FREM3: variants seen among roughly 807,000 people sequenced by gnomAD.
FREM3 encodes FRAS1 related extracellular matrix 3.
Under a neutral mutation model 129.1 loss-of-function variants are expected in FREM3, and 105 were observed. The ratio of observed to expected loss-of-function variants is 0.81; its 90% CI spans 0.69 to 0.96. The LOEUF (loss-of-function observed/expected upper bound fraction) is 0.96. Among genes scored for constraint, FREM3 ranks in the 40% least tolerant of loss-of-function variants. The pLI is 0.00. For missense variants in FREM3, 2,593 were observed against 2,666.3 expected, an observed-to-expected ratio of 0.97 and a Z score of 0.61; for synonymous variants, 1,014 against 1,044.9, an observed-to-expected ratio of 0.97 and a Z score of 0.57.
intron 5 of FREM3, among the ~76,000 whole-genome samples, chr4:143,616,287 A>C (rs1463428169): frequency 6.6e-6 from 1 of 152,178 alleles, no homozygotes; most frequent in African/African-American, 2.4e-5. Context: ...CGCCCAGAAA[A>C]CCTTCAGTAA....
intron 2 of FREM3, among the ~76,000 whole-genome samples, chr4:143,661,963 A>G (rs149603828): frequency 0.051 from 7,784 of 151,726 alleles, 471 homozygotes; most frequent in East Asian, 0.19. Context: ...TATTGCATCT[A>G]TTTGATTCTT....
chr4:143,617,350 G>T (rs868535990), intron 5 of FREM3, among the ~76,000 whole-genome samples: 14 of 152,198 alleles, frequency 9.2e-5, no homozygotes, highest in Middle Eastern at 3.4e-3. Context: ...CAGGGATGCT[G>T]CTTAACATTT....
At chr4:143,669,514 T>C (rs1560865440) in intron 2 of FREM3, among the ~76,000 whole-genome samples, 9 of 152,078 alleles carry the variant, frequency 5.9e-5, no homozygotes. Flanking sequence ...TCTCGAACTC[T>C]TGGCGTCAAG....
intron 2 of FREM3, among the ~76,000 whole-genome samples, chr4:143,684,508 G>A (rs1377505840): frequency 6.6e-6 from 1 of 152,206 alleles, no homozygotes; most frequent in Non-Finnish European, 1.5e-5. Context: ...CTGAACAGCA[G>A]CCTTCAGCCC....
Position 143,699,912 on chromosome 4 carries a change from G to C in FREM3, c.764C>G (p.Thr255Arg). 2.6e-6 allele frequency: 4 copies of C among 1,536,280 alleles called. No individual in the cohort carries two copies. The highest frequency in any genetic ancestry group is 2.0e-5 in the Admixed American group (1 of 50,948). ...GTCACGGTTGGGCGAGGAGGTGGCT[G>C]TGTGCTGATAGCGCACCCCAGCACG... ...FLRAGVRYQH[T>R]ATSSPNRDYV... is the part of the protein sequence containing the mutation. The change falls in exon 1 of 8, where the codon ACA becomes AGA. Residue 255 changes from threonine to arginine, a missense_variant. By Grantham distance (71) the Thr-to-Arg change is moderately conservative. This residue lies in a region of FREM3 where 2,276 missense variants were observed against 2,267.2 expected (regional missense o/e 1.00). Transcript: ENST00000329798. This position sits in a 1 kb window ranked among gnomAD's most constrained non-coding sequence, Gnocchi z 4.2.
At chr4:143,597,935 C>T (rs922420758) in intron 6 of FREM3, among the ~76,000 whole-genome samples, 1 of 152,222 alleles carries the variant, frequency 6.6e-6, no homozygotes, top group Non-Finnish European at 1.5e-5. Flanking sequence ...TCGGCAGATG[C>T]AGCATCTGGT....
intron 6 of FREM3, among the ~76,000 whole-genome samples, chr4:143,595,544 C>T (rs774893407): frequency 4.6e-5 from 7 of 152,140 alleles, no homozygotes; most frequent in African/African-American, 1.4e-4. Flanking sequence ...GCCTCCACAC[C>T]AGTTCCTTCT....
At chr4:143,636,163 GTTTTTT>G (rs536363966) in intron 2 of FREM3, among the ~76,000 whole-genome samples, 5 of 139,592 alleles carry the variant, frequency 3.6e-5, no homozygotes, top group African/African-American at 1.3e-4. Context: ...CATTGTTTTT[GTTTTTT>G]TTTTTAAACT....
intron 6 of FREM3, among the ~76,000 whole-genome samples, chr4:143,590,052 G>A (rs1402191016): frequency 6.6e-6 from 1 of 152,014 alleles, no homozygotes; most frequent in African/African-American, 2.4e-5. Flanking sequence ...TGTTATTGGT[G>A]TATAAGAATG....
At chr4:143,634,808 G>T (rs1472098580) in intron 2 of FREM3, among the ~76,000 whole-genome samples, 2 of 152,034 alleles carry the variant, frequency 1.3e-5, no homozygotes, top group Admixed American at 6.6e-5. Flanking sequence ...ATTGTGAGGG[G>T]GTGTGGGATT....
Position 143,697,369 on chromosome 4 carries a change from C to G in FREM3, c.3307G>C (p.Asp1103His), listed in dbSNP as rs1740594193. The change falls in exon 1 of 8, where the codon GAT becomes CAT. Residue 1103 changes from aspartate to histidine, a missense_variant. By Grantham distance (81) the Asp-to-His change is moderately conservative. Transcript: ENST00000329798. ...LHVEDVDTHQ[D>H]ELLCTVTSQP... ...CTAGTCACTGTGCAGAGGAGTTCATCTTGATGAGTGTCCACATCTTCAACA... is the reference window on the plus strand; with the variant it reads ...CTAGTCACTGTGCAGAGGAGTTCATGTTGATGAGTGTCCACATCTTCAACA... The G allele has an allele frequency of 6.5e-7, 1 of 1,537,136 alleles. No homozygotes were observed.
chr4:143,659,985 CT>C (rs1160804006), intron 2 of FREM3, among the ~76,000 whole-genome samples: 1 of 149,804 alleles, frequency 6.7e-6, no homozygotes, highest in African/African-American at 2.5e-5. Flanking sequence ...GATATTAGCC[CT>C]TTGTCAGATG....
chr4:143,693,079 C>T, intron 2 of FREM3, 34 bp downstream of exon 2: 1 of 1,120,450 alleles, frequency 8.9e-7, no homozygotes, highest in Non-Finnish European at 1.2e-6. Flanking sequence ...TTTAGTTAAC[C>T]ATGAATCCTT....
At chr4:143,691,344 C>T (rs1363385875) in intron 2 of FREM3, among the ~76,000 whole-genome samples, 1 of 152,066 alleles carries the variant, frequency 6.6e-6, no homozygotes, top group African/African-American at 2.4e-5. Context: ...ACATGAAAAT[C>T]TCACAAATCA....
At chr4:143,653,947 G>A (rs1450245) in intron 2 of FREM3, among the ~76,000 whole-genome samples, 110,608 of 152,094 alleles carry the variant, frequency 0.73, 40,786 homozygotes, top group East Asian at 0.94. Flanking sequence ...TGAGAAAAAA[G>A]TTTTTTAAAT....
Position 143,627,240 on chromosome 4 carries a change from CA to C in FREM3, c.5422+373del, listed in dbSNP as rs1262773947. Among the ~76,000 whole-genome samples the C allele has an allele frequency of 2.0e-5, 3 of 152,160 alleles. No homozygotes were observed. The East Asian group carries it at 5.8e-4, about 30-fold the overall frequency. On this transcript the variant is annotated intron_variant, in intron 3 of 7. Coordinates refer to ENST00000329798, the MANE Select transcript of FREM3 (RefSeq NM_001168235.2). Reference sequence around the variant, plus strand: ...TAAACACAGTAATGGATCATGTACTCATAAATAATTTTTCAAAAGAAATAGC... The same window carrying C: ...TAAACACAGTAATGGATCATGTACTCTAAATAATTTTTCAAAAGAAATAGC...
chr4:143,678,058 A>G (rs573991478), intron 2 of FREM3, among the ~76,000 whole-genome samples: 1 of 152,240 alleles, frequency 6.6e-6, no homozygotes, highest in Non-Finnish European at 1.5e-5. Flanking sequence ...CCAAAGGAAT[A>G]TAAATCATGC....
intron 2 of FREM3, among the ~76,000 whole-genome samples, chr4:143,640,365 A>G (rs1054590204): frequency 6.6e-6 from 1 of 152,242 alleles, no homozygotes; most frequent in Non-Finnish European, 1.5e-5. Flanking sequence ...TCAAAGAAGA[A>G]TAGAATGAGC....
intron 6 of FREM3, among the ~76,000 whole-genome samples, chr4:143,594,409 G>C (rs1159296540): frequency 6.6e-6 from 1 of 152,192 alleles, no homozygotes; most frequent in Non-Finnish European, 1.5e-5. Flanking sequence ...CTTATGAACT[G>C]TTCTCAAGGT....
Sources: gnomAD v4.1 joint callset for allele counts (sites outside exome capture counted in the v4.1 genomes callset) on GRCh38, gnomAD v4.1.1 for gene constraint, gnomAD v4.1.1 regional missense constraint, Gnocchi (gnomAD v3.1) non-coding constraint, MANE v1.5 for transcripts, NCBI Gene and HGNC (gene_info 2026-07-23, HGNC 2026-07-21) for gene names.